The following OSBPL10 variants were observed in gnomAD, a reference collection of about 807,000 sequenced individuals.
The protein encoded by OSBPL10 is oxysterol-binding protein-related protein 10.
In OSBPL10, 49 loss-of-function variants were observed where a neutral mutation model predicts 81.7. That is an observed-to-expected ratio of 0.60 (90% confidence interval 0.48 to 0.76). OSBPL10 has a LOEUF of 0.76. Ranked by LOEUF, OSBPL10 falls within the 30% of genes least tolerant of loss-of-function variation. OSBPL10 has a pLI of 0.00. For missense variants in OSBPL10, 923 were observed against 987.8 expected, an observed-to-expected ratio of 0.93 and a Z score of 0.88; for synonymous variants, 419 against 383.6, an observed-to-expected ratio of 1.09 and a Z score of -1.08.
At chr3:31,898,032 A>G (rs1210726380) in intron 1 of OSBPL10, among the ~76,000 whole-genome samples, 3 of 114,052 alleles carry the variant, frequency 2.6e-5, no homozygotes, top group African/African-American at 1.4e-4. Context: ...AAAAAAAAAA[A>G]AAAAACAGAA....
intron 3 of OSBPL10, among the ~76,000 whole-genome samples, chr3:31,844,495 C>G (rs562065684): frequency 5.3e-5 from 8 of 152,272 alleles, no homozygotes; most frequent in African/African-American, 1.9e-4. Context: ...TTGATACATG[C>G]AACATTGTTG....
rs143927354 is a variant in OSBPL10, at chr3:31,685,201, G to A, written c.1246-1087C>T. 4.5e-3 allele frequency among the ~76,000 whole-genome samples: 688 copies of A among 152,098 alleles called. 4 individuals carry two copies. Among genetic ancestry groups the A allele is most frequent in the African/African-American group, 0.014 (601 of 41,484 alleles). On this transcript the variant is annotated intron_variant, in intron 7 of 11. Transcript: ENST00000396556. ...CTTAAATTAACTTGAAACAAATATC[G>A]GGTATTTTTTGTTTGTTTTGAGACA...
At chr3:31,708,135 C>T (rs948403343) in intron 6 of OSBPL10, among the ~76,000 whole-genome samples, 1 of 152,096 alleles carries the variant, frequency 6.6e-6, no homozygotes, top group Non-Finnish European at 1.5e-5. Flanking sequence ...CAGGGTCTTG[C>T]TATGTTGCCA....
At chr3:31,964,671 A>G (rs1698262920) in intron 1 of OSBPL10, among the ~76,000 whole-genome samples, 1 of 152,218 alleles carries the variant, frequency 6.6e-6, no homozygotes, top group African/African-American at 2.4e-5. Flanking sequence ...TACCTAAAAT[A>G]ATGATAGGTG....
intron 1 of OSBPL10, among the ~76,000 whole-genome samples, chr3:31,910,261 G>A (rs1345169135): frequency 6.6e-6 from 1 of 151,842 alleles, no homozygotes; most frequent in Non-Finnish European, 1.5e-5. Flanking sequence ...TTACAGGTGT[G>A]AGCCAGTGCA....
At chr3:31,917,745 T>G (rs1696798987) in intron 1 of OSBPL10, among the ~76,000 whole-genome samples, 1 of 150,224 alleles carries the variant, frequency 6.7e-6, no homozygotes, top group South Asian at 2.2e-4. Context: ...CGCACTCTTT[T>G]TTCCTCTTGG....
chr3:31,830,688 T>C (rs977163058), intron 3 of OSBPL10, among the ~76,000 whole-genome samples: 4 of 152,202 alleles, frequency 2.6e-5, no homozygotes, highest in African/African-American at 9.7e-5. Context: ...CTTATTCCAC[T>C]GCATCAAGAT....
intron 4 of OSBPL10, among the ~76,000 whole-genome samples, chr3:31,822,827 T>C (rs563472538): frequency 1.4e-5 from 2 of 147,574 alleles, no homozygotes; most frequent in Non-Finnish European, 3.0e-5. Context: ...GGCAGGAGGA[T>C]TGCTTAAGCC....
chr3:31,939,497 T>TG (rs939176470), intron 1 of OSBPL10, among the ~76,000 whole-genome samples: 57 of 150,898 alleles, frequency 3.8e-4, no homozygotes, highest in Middle Eastern at 3.5e-3. Context: ...ACCTAACGCC[T>TG]GCTCCAACTA....
At chr3:31,662,756 A>T (rs1700097989) in intron 11 of OSBPL10, 2 of 985,272 alleles carry the variant, frequency 2.0e-6, no homozygotes, top group Admixed American at 6.2e-5. Context: ...AAGAACTGTA[A>T]ATGTTTTTTC....
chr3:31,918,725 G>T (rs972610407), intron 1 of OSBPL10, among the ~76,000 whole-genome samples: 1 of 152,252 alleles, frequency 6.6e-6, no homozygotes, highest in Admixed American at 6.5e-5. Flanking sequence ...CATTTCCTGT[G>T]CCATGTGGAA....
intron 5 of OSBPL10, among the ~76,000 whole-genome samples, chr3:31,733,685 GTTTTTTTTTT>G (rs372305256): frequency 4.4e-5 from 4 of 91,780 alleles, no homozygotes; most frequent in Non-Finnish European, 8.4e-5. Context: ...AGATAAAGGT[GTTTTTTTTTT>G]TTTTTTTTTT....
intron 6 of OSBPL10, among the ~76,000 whole-genome samples, chr3:31,715,920 T>C (rs1427270026): frequency 1.3e-5 from 2 of 152,234 alleles, no homozygotes; most frequent in African/African-American, 4.8e-5. Context: ...AACTGTACAC[T>C]TGATGCCACT....
At chr3:31,968,896 T>G (rs1698478847) in intron 1 of OSBPL10, among the ~76,000 whole-genome samples, 2 of 152,234 alleles carry the variant, frequency 1.3e-5, no homozygotes, top group South Asian at 4.1e-4. Flanking sequence ...AGAAATTTGC[T>G]GGAGCAAAGA....
At chr3:31,907,454 C>T (rs144503949) in intron 1 of OSBPL10, among the ~76,000 whole-genome samples, 2,173 of 151,442 alleles carry the variant, frequency 0.014, 54 homozygotes, top group African/African-American at 0.046. Flanking sequence ...TGGTGAAATC[C>T]CGTCTCCACT....
intron 4 of OSBPL10, among the ~76,000 whole-genome samples, chr3:31,818,427 C>T (rs1306566152): frequency 6.6e-6 from 1 of 152,178 alleles, no homozygotes; most frequent in Non-Finnish European, 1.5e-5. Flanking sequence ...ACAAACTTCT[C>T]TCTCTGTGTG....
At chr3:31,815,853 A>G (rs1699821957) in intron 4 of OSBPL10, among the ~76,000 whole-genome samples, 1 of 152,132 alleles carries the variant, frequency 6.6e-6, no homozygotes, top group Non-Finnish European at 1.5e-5. Flanking sequence ...AAAATACAAT[A>G]TGTTATTGTC....
At chr3:32,057,633 C>T (rs865966121) in intron 1 of OSBPL10, among the ~76,000 whole-genome samples, 7 of 152,182 alleles carry the variant, frequency 4.6e-5, no homozygotes, top group African/African-American at 1.7e-4. Flanking sequence ...CAGTCACTAT[C>T]ATGAGAATAG....
intron 2 of OSBPL10, among the ~76,000 whole-genome samples, chr3:32,004,654 CA>C (rs1699185488): frequency 1.3e-5 from 2 of 152,170 alleles, no homozygotes; most frequent in Non-Finnish European, 1.5e-5. Context: ...AGTTTTCTTT[CA>C]ACAAAACTAT....
Sources: allele counts gnomAD v4.1 joint callset (sites outside exome capture counted in the v4.1 genomes callset), GRCh38; gene constraint gnomAD v4.1.1; transcripts MANE v1.5; gene names NCBI Gene and HGNC (gene_info 2026-07-23, HGNC 2026-07-21).